The following EVL variants were observed in gnomAD, a reference collection of about 807,000 sequenced individuals.
EVL encodes the protein Enah/Vasp-like, also known as ena/VASP-like protein.
Under a neutral mutation model 59.6 loss-of-function variants are expected in EVL, and 21 were observed. The observed-to-expected ratio is 0.35, with a 90% CI of 0.25 to 0.51. The LOEUF (loss-of-function observed/expected upper bound fraction) is 0.51. Among genes scored for constraint, EVL ranks in the 20% least tolerant of loss-of-function variants. The pLI is 0.97. For synonymous variants in EVL, 198 were observed against 203.5 expected (o/e 0.97, Z 0.23); for missense variants, 462 against 546.6 (o/e 0.85, Z 1.54).
chr14:100,099,650 C>G (rs926121607), intron 3 of EVL, among the ~76,000 whole-genome samples: 1 of 152,108 alleles, frequency 6.6e-6, no homozygotes, highest in Non-Finnish European at 1.5e-5. Flanking sequence ...CTGTCTGTTT[C>G]CACCCAAGAG....
chr14:100,022,656 G>A (rs1474502009), intron 1 of EVL, among the ~76,000 whole-genome samples: 1 of 152,160 alleles, frequency 6.6e-6, no homozygotes. Context: ...TTCCATGAGA[G>A]CAGAATTCAT....
intron 1 of EVL, among the ~76,000 whole-genome samples, chr14:100,034,810 C>T (rs2061365291): frequency 6.6e-6 from 1 of 152,066 alleles, no homozygotes; most frequent in African/African-American, 2.4e-5. Context: ...TCAGGCTCCT[C>T]CTCTTATTGG....
At position 100,114,370 on chromosome 14, in the gene EVL, G is replaced by T. The variant is rs1464053228; in HGVS notation, c.359-9169G>T. 6.6e-6 allele frequency among the ~76,000 whole-genome samples: 1 copy of T among 152,052 alleles called. No individual in the cohort carries two copies. The highest frequency in any genetic ancestry group is 1.5e-5 in the Non-Finnish European group (1 of 68,006). ...AGTGCCACCTACAGGGTATCTCTTG[G>T]CAGACACCTGGTGTCACCAAGGCCT... On this transcript the variant is annotated intron_variant, in intron 3 of 13. Transcript: ENST00000392920. The surrounding 1 kb of genome is among the most constrained non-coding windows in gnomAD (Gnocchi z 5.0).
At chr14:99,986,423 TC>T in intron 1 of EVL, among the ~76,000 whole-genome samples, 1 of 152,040 alleles carries the variant, frequency 6.6e-6, no homozygotes, top group Non-Finnish European at 1.5e-5. Context: ...GAAAATGCTC[TC>T]CTCAATTTGT....
intron 1 of EVL, among the ~76,000 whole-genome samples, chr14:100,048,772 A>G (rs1034358896): frequency 6.6e-6 from 1 of 152,238 alleles, no homozygotes; most frequent in East Asian, 1.9e-4. Flanking sequence ...AACACTAATT[A>G]TTAACTAACA....
chr14:100,115,478 G>A (rs563092456), intron 3 of EVL, among the ~76,000 whole-genome samples: 36 of 152,212 alleles, frequency 2.4e-4, no homozygotes, highest in Non-Finnish European at 3.5e-4. Context: ...GCAAGGGCTG[G>A]GTGCTTCCCA....
intron 1 of EVL, among the ~76,000 whole-genome samples, chr14:100,042,829 A>G (rs1042190905): frequency 6.6e-6 from 1 of 152,172 alleles, no homozygotes; most frequent in Non-Finnish European, 1.5e-5. Context: ...TGAGATTTCT[A>G]CTTTTATATA....
rs1306250066 is a variant in EVL, at chr14:99,972,893, ATTAT to A, written c.5+841_5+844del. Among the ~76,000 whole-genome samples the A allele has an allele frequency of 2.6e-5, 4 of 151,218 alleles. No homozygotes were observed. Among genetic ancestry groups the A allele is most frequent in the African/African-American group, 9.7e-5 (4 of 41,038 alleles). Reference sequence around the variant, plus strand: ...TATAGTTTCGTTTTGCCTGTTTTGTATTATTTATGACAATGAAATAATACAGTAT... The same window carrying A: ...TATAGTTTCGTTTTGCCTGTTTTGTATTATGACAATGAAATAATACAGTAT... On this transcript the variant is annotated intron_variant, in intron 1 of 13. Transcript: ENST00000402714. This position sits in a 1 kb window ranked among gnomAD's most constrained non-coding sequence, Gnocchi z 4.4.
At chr14:100,041,831 C>T (rs553877146) in intron 1 of EVL, among the ~76,000 whole-genome samples, 36 of 152,178 alleles carry the variant, frequency 2.4e-4, no homozygotes, top group African/African-American at 7.0e-4. Context: ...TAGTAATACC[C>T]GACTAGAAAA....
chr14:100,097,477 C>T lies in EVL; in HGVS notation c.181-4C>T, dbSNP rs1242159235. 2 of 1,601,922 alleles carry T rather than the reference C, an allele frequency of 1.2e-6. No individual in the cohort carries two copies. Among genetic ancestry groups the T allele is most frequent in the African/African-American group, 2.7e-5 (2 of 74,412 alleles). ...CACGTATTTCTCTCTCCTTTCTCCTCCAGGTTGTGATCAATTATTCAATCG... is the reference window on the plus strand; with the variant it reads ...CACGTATTTCTCTCTCCTTTCTCCTTCAGGTTGTGATCAATTATTCAATCG... On this transcript the variant is annotated splice_region_variant and splice_polypyrimidine_tract_variant and intron_variant, in intron 2 of 13. Transcript: ENST00000392920.
chr14:100,003,469 T>C (rs1296774539), intron 1 of EVL, among the ~76,000 whole-genome samples: 1 of 152,184 alleles, frequency 6.6e-6, no homozygotes, highest in East Asian at 1.9e-4. Flanking sequence ...CTGGCTAGAG[T>C]GCAATGATGT....
intron 1 of EVL, among the ~76,000 whole-genome samples, chr14:100,083,243 T>G (rs913645300): frequency 6.6e-6 from 1 of 152,170 alleles, no homozygotes; most frequent in African/African-American, 2.4e-5. Flanking sequence ...CTGTCACAGT[T>G]AGCAACTGAG....
chr14:100,113,595 G>A (rs1284101080), intron 3 of EVL, among the ~76,000 whole-genome samples: 1 of 152,174 alleles, frequency 6.6e-6, no homozygotes, highest in Non-Finnish European at 1.5e-5. Context: ...GGAAATCAAG[G>A]AAGGAATGAG....
intron 1 of EVL, among the ~76,000 whole-genome samples, chr14:100,054,459 CT>C (rs2061695787): frequency 6.6e-6 from 1 of 152,128 alleles, no homozygotes; most frequent in Non-Finnish European, 1.5e-5. Context: ...GTGAATCTGT[CT>C]TTCGTATACA....
intron 3 of EVL, 177 bp downstream of exon 3, chr14:100,097,835 G>A: frequency 3.7e-6 from 2 of 545,714 alleles, no homozygotes; most frequent in Non-Finnish European, 6.3e-6. Flanking sequence ...ACAATTCAGA[G>A]GAGGAAAGAA....
chr14:100,028,188 G>T (rs75067029), intron 1 of EVL, among the ~76,000 whole-genome samples: 13,504 of 146,788 alleles, frequency 0.092, 1,347 homozygotes, highest in African/African-American at 0.24. Flanking sequence ...GTCCACAGTG[G>T]CTGTACTAAT....
intron 1 of EVL, among the ~76,000 whole-genome samples, chr14:100,035,406 T>A (rs900441194): frequency 6.6e-6 from 1 of 151,946 alleles, no homozygotes; most frequent in African/African-American, 2.4e-5. Context: ...TTTTTTTTTT[T>A]AATAGGAATT....
chr14:100,034,075 C>T (rs1311565448), intron 1 of EVL, among the ~76,000 whole-genome samples: 5 of 146,560 alleles, frequency 3.4e-5, no homozygotes. Context: ...AAAATACAAA[C>T]AAAAAACAAA....
At chr14:100,022,379 G>T (rs1042216519) in intron 1 of EVL, among the ~76,000 whole-genome samples, 4 of 151,190 alleles carry the variant, frequency 2.6e-5, no homozygotes, top group African/African-American at 9.7e-5. Context: ...CTGGATTCAA[G>T]CAATCCTTCT....
Sources: allele counts gnomAD v4.1 joint callset (sites outside exome capture counted in the v4.1 genomes callset), GRCh38; gene constraint gnomAD v4.1.1; non-coding constraint Gnocchi (gnomAD v3.1); transcripts MANE v1.5; gene names NCBI Gene and HGNC (gene_info 2026-07-23, HGNC 2026-07-21).